Variants in PEX5 observed in about 807,000 individuals in gnomAD.
PEX5 encodes PTS1 receptor.
Under a neutral mutation model 82.9 loss-of-function variants are expected in PEX5, and 52 were observed. The observed-to-expected ratio is 0.63, with a 90% CI of 0.50 to 0.79. PEX5 has a LOEUF of 0.79. Among genes scored for constraint, PEX5 ranks in the 30% least tolerant of loss-of-function variants. The pLI is 0.00. For synonymous variants in PEX5, 300 were observed against 318.8 expected (o/e 0.94, Z 0.63); for missense variants, 719 against 815.2 (o/e 0.88, Z 1.44).
intron 8 of PEX5, 71 bp downstream of exon 8, chr12:7,202,422 G>A (rs751028088): frequency 6.3e-7 from 1 of 1,579,604 alleles, no homozygotes; most frequent in Non-Finnish European, 8.7e-7. Flanking sequence ...TCAGTGGTCA[G>A]TGGTCCCAGA....
intron 1 of PEX5, chr12:7,189,962 T>TGGGGCTGCGC (rs1299005235): frequency 1.3e-6 from 2 of 1,493,336 alleles, no homozygotes; most frequent in East Asian, 5.0e-5. Context: ...CACCGCGTGC[T>TGGGGCTGCGC]GGGGCTGCGC....
intron 13 of PEX5, 109 bp from the exon 14 acceptor site, chr12:7,208,896 T>C (rs776706792): frequency 1.6e-5 from 17 of 1,066,838 alleles, no homozygotes; most frequent in Admixed American, 1.0e-4. Context: ...AGATGACTGA[T>C]AGATTGATGA....
At chr12:7,215,999 C>T (rs1453147787), downstream of PEX5, among the ~76,000 whole-genome samples, 1 of 152,044 alleles carries the variant, frequency 6.6e-6, no homozygotes, top group African/African-American at 2.4e-5. Context: ...TGGAGTTTCA[C>T]TCTTGTTGCC....
intron 5 of PEX5, among the ~76,000 whole-genome samples, chr12:7,192,421 C>G (rs1253862013): frequency 6.6e-6 from 1 of 152,186 alleles, no homozygotes; most frequent in Non-Finnish European, 1.5e-5. Context: ...TATCTTCTTT[C>G]TTGCTTTGCT....
At position 7,202,263 on chromosome 12, in the gene PEX5, T is replaced by C. The variant is rs745602402; in HGVS notation, c.665T>C (p.Ile222Thr). ...NSEFLKFVRQ[I>T]GEGQVSLESG... ...CAGTTCCTGAAATTCGTGCGGCAGA[T>C]TGGCGAAGGGCAGGTGTCCCTGGAG... The change falls in exon 8 of 16, where the codon ATT becomes ACT. Residue 222 changes from isoleucine to threonine, a missense_variant. Physicochemically the swap from Ile to Thr is moderately conservative, Grantham distance 89. Transcript: ENST00000675855. The C allele has an allele frequency of 2.5e-6, 4 of 1,614,050 alleles. No homozygotes were observed. Among genetic ancestry groups the C allele is most frequent in the South Asian group, 1.1e-5 (1 of 91,072 alleles).
intron 1 of PEX5, 196 bp downstream of exon 1, chr12:7,189,946 C>G (rs760493642): frequency 4.5e-5 from 67 of 1,489,168 alleles, no homozygotes; most frequent in Admixed American, 2.0e-4. Flanking sequence ...GCTCCTCTGC[C>G]GTGCTCACCG....
At chr12:7,191,838 A>T (rs888836012) in intron 5 of PEX5, 138 bp downstream of exon 5, 1 of 801,008 alleles carries the variant, frequency 1.2e-6, no homozygotes, top group Non-Finnish European at 2.2e-6. Flanking sequence ...ACTGAACTCA[A>T]TTTCCCTTAG....
intron 10 of PEX5, among the ~76,000 whole-genome samples, chr12:7,206,592 T>G (rs1483185796): frequency 2.0e-5 from 3 of 152,266 alleles, no homozygotes; most frequent in South Asian, 2.1e-4. Flanking sequence ...TAATATGTCT[T>G]TCTTCTTAAA....
Position 7,207,772 on chromosome 12 carries a change from A to T in PEX5, c.1080A>T (p.Ala360=), listed in dbSNP as rs776221090. The change falls in exon 11 of 16, where the codon GCA becomes GCT. Residue 360 remains alanine (A), a synonymous_variant. Transcript: ENST00000675855. ...DLPNAVLLFE[A]AVQQDPKHME... ...CAAATGCTGTGCTGCTTTTTGAGGC[A>T]GCTGTGCAGCAGGATCCTAAGCACA... is the stretch of plus-strand genomic sequence containing the variant. The T allele has an allele frequency of 2.5e-5, 40 of 1,614,034 alleles. No individual in the cohort carries two copies. Among genetic ancestry groups the T allele is most frequent in the Non-Finnish European group, 3.3e-5 (39 of 1,180,030 alleles).
chr12:7,200,174 G>GAT (rs1225955319), intron 6 of PEX5, among the ~76,000 whole-genome samples: 1 of 150,680 alleles, frequency 6.6e-6, no homozygotes, highest in South Asian at 2.1e-4. Flanking sequence ...CTTCTCAGAC[G>GAT]GGGCGGCCGG....
intron 17 of PEX5, chr12:7,218,384 C>G (rs959110354): frequency 6.6e-6 from 1 of 152,056 alleles, no homozygotes; most frequent in Non-Finnish European, 1.5e-5. Context: ...TTCAATTTAC[C>G]CATTTGTTTT....
intron 5 of PEX5, among the ~76,000 whole-genome samples, chr12:7,198,038 TCTC>T (rs1565691270): frequency 6.6e-6 from 1 of 151,726 alleles, no homozygotes; most frequent in Non-Finnish European, 1.5e-5. Context: ...CCGCAGTCAG[TCTC>T]CTTGTTTTTT....
chr12:7,205,521 T>C (rs1370850162), intron 10 of PEX5, among the ~76,000 whole-genome samples: 1 of 152,180 alleles, frequency 6.6e-6, no homozygotes, highest in Non-Finnish European at 1.5e-5. Context: ...TGGGACAAAC[T>C]CTTTGTAGTG....
chr12:7,197,486 ATAAT>A lies in PEX5; in HGVS notation c.449-1522_449-1519del, dbSNP rs1437458581. On this transcript the variant is annotated intron_variant, in intron 5 of 15. Coordinates refer to ENST00000675855, the MANE Select transcript of PEX5 (RefSeq NM_001351132.2). ...AATTATATATGTTATATATAATATA[ATAAT>A]TATATATGTTATATATAATGTAATA... Among the ~76,000 whole-genome samples the A allele has an allele frequency of 9.3e-5, 13 of 139,884 alleles. 2 individuals carry two copies. The highest frequency in any genetic ancestry group is 2.0e-4 in the East Asian group (1 of 4,952). 91.8% of individuals were successfully genotyped at this position (139,884 alleles called of 152,430 possible). A position where few individuals can be genotyped will look rare whatever the true frequency, so the allele number is the denominator to read the frequency against.
chr12:7,194,768 TG>T (rs751539021), intron 5 of PEX5, among the ~76,000 whole-genome samples: 2 of 152,192 alleles, frequency 1.3e-5, no homozygotes, highest in Non-Finnish European at 2.9e-5. Flanking sequence ...TGCACTTTCA[TG>T]GGAAAAGCCA....
chr12:7,203,022 T>A (rs10841038), intron 9 of PEX5, among the ~76,000 whole-genome samples: 1 of 151,786 alleles, frequency 6.6e-6, no homozygotes, highest in African/African-American at 2.4e-5. Context: ...GCGTGGTGTG[T>A]TGGCGCATGC....
At chr12:7,200,633 A>G (rs898060764) in intron 6 of PEX5, among the ~76,000 whole-genome samples, 12 of 152,174 alleles carry the variant, frequency 7.9e-5, no homozygotes, top group African/African-American at 2.7e-4. Context: ...TCCGTCTGCA[A>G]TCCCGGCACC....
In PEX5 at chr12:7,203,219, C is replaced by CCGAACCGAACCGAACCAACCGAACCCAA. The variant is rs1565707721; in HGVS notation, c.847-213_847-212insCGAACCGAACCGAACCAACCGAACCCAA. On this transcript the variant is annotated intron_variant, in intron 9 of 15. Transcript: ENST00000675855. ...CACTGCACTGCACTGCACTGCACTGCACTACATTACATTTCTGGCCATCAC... is the reference window on the plus strand; with the variant it reads ...CACTGCACTGCACTGCACTGCACTGCCGAACCGAACCGAACCAACCGAACCCAAACTACATTACATTTCTGGCCATCAC... 1.3e-4 allele frequency among the ~76,000 whole-genome samples: 11 copies of CCGAACCGAACCGAACCAACCGAACCCAA among 83,234 alleles called. 1 individual carries two copies. The highest frequency in any genetic ancestry group is 3.9e-4 in the African/African-American group (11 of 28,170). 54.6% of individuals were successfully genotyped at this position (83,234 alleles called of 152,430 possible).
chr12:7,209,953 C>A lies in PEX5; in HGVS notation c.1719-69C>A. The A allele has an allele frequency of 6.3e-6, 10 of 1,596,504 alleles. No homozygotes were observed. In the South Asian group the frequency reaches 1.1e-4, roughly 18 times the overall value. ...ACCAGCCCTAGCTTTCTCCCTCCCACTGCTAGCTGACCTGCTTCCTTCCAT... is the reference window on the plus strand; with the variant it reads ...ACCAGCCCTAGCTTTCTCCCTCCCAATGCTAGCTGACCTGCTTCCTTCCAT... On this transcript the variant is annotated intron_variant, in intron 15 of 15. Transcript: ENST00000675855.
Sources: allele counts gnomAD v4.1 joint callset (sites outside exome capture counted in the v4.1 genomes callset), GRCh38; gene constraint gnomAD v4.1.1; transcripts MANE v1.5; gene names NCBI Gene and HGNC (gene_info 2026-07-23, HGNC 2026-07-21).